DAB1: variants seen among roughly 807,000 people sequenced by gnomAD.
DAB1 encodes disabled homolog 1.
In DAB1, 15 loss-of-function variants were observed where a neutral mutation model predicts 64.6. The ratio of observed to expected loss-of-function variants is 0.23; its 90% CI spans 0.16 to 0.36. The LOEUF is 0.36. Ranked by LOEUF, DAB1 falls within the 10% of genes least tolerant of loss-of-function variation. The probability of loss-of-function intolerance (pLI) is 1.00; values close to 1 mark genes in which losing one functional copy is unlikely to be tolerated. For synonymous variants in DAB1, 235 were observed against 251.9 expected (o/e 0.93, Z 0.64); for missense variants, 596 against 706.7 (o/e 0.84, Z 1.78).
chr1:57,331,632 G>A (rs1676680249), intron 1 of DAB1, among the ~76,000 whole-genome samples: 1 of 152,202 alleles, frequency 6.6e-6, no homozygotes, highest in South Asian at 2.1e-4. Flanking sequence ...CATTTAGCTA[G>A]GGTTGGTCAT....
chr1:57,471,100 G>A (rs982434958), intron 7 of DAB1, among the ~76,000 whole-genome samples: 6 of 152,142 alleles, frequency 3.9e-5, no homozygotes, highest in East Asian at 1.9e-4. Flanking sequence ...TACTGGAGTC[G>A]AATCAAGGAA....
intron 5 of DAB1, among the ~76,000 whole-genome samples, chr1:58,090,080 A>G (rs1266073191): frequency 3.3e-5 from 5 of 152,210 alleles, no homozygotes. Context: ...TGCAGTTTGA[A>G]CAATATTTCT....
intron 5 of DAB1, among the ~76,000 whole-genome samples, chr1:58,046,988 G>A (rs1360957967): frequency 2.6e-5 from 4 of 152,164 alleles, no homozygotes; most frequent in African/African-American, 7.2e-5. Context: ...TCATCTCTTT[G>A]AGCCTCAGTT....
At chr1:57,819,901 C>A (rs1275878092) in intron 6 of DAB1, among the ~76,000 whole-genome samples, 1 of 152,192 alleles carries the variant, frequency 6.6e-6, no homozygotes, top group African/African-American at 2.4e-5. Flanking sequence ...TAACTCACCT[C>A]CTAAACTCTG....
intron 7 of DAB1, among the ~76,000 whole-genome samples, chr1:57,441,303 T>C (rs973911183): frequency 1.0e-5 from 1 of 97,614 alleles, no homozygotes; most frequent in East Asian, 6.0e-4. Context: ...TCTTTCTTTC[T>C]TTCTTTCTTT....
intron 4 of DAB1, among the ~76,000 whole-genome samples, chr1:58,196,113 G>A (rs935182675): frequency 6.6e-6 from 1 of 152,170 alleles, no homozygotes; most frequent in African/African-American, 2.4e-5. Context: ...TCTTCACAGA[G>A]GAACTGAGTT....
At chr1:58,536,406 T>C in intron 1 of DAB1, 1 of 642,970 alleles carries the variant, frequency 1.6e-6, no homozygotes, top group Non-Finnish European at 2.8e-6. Context: ...GCTAATTTCA[T>C]ATCAAAGACT....
intron 4 of DAB1, among the ~76,000 whole-genome samples, chr1:57,134,953 T>C (rs1657956386): frequency 6.6e-6 from 1 of 152,212 alleles, no homozygotes; most frequent in African/African-American, 2.4e-5. Flanking sequence ...AATATGTATT[T>C]GATAAAGTAG....
intron 4 of DAB1, among the ~76,000 whole-genome samples, chr1:58,189,105 G>A (rs1261043446): frequency 6.6e-6 from 1 of 152,136 alleles, no homozygotes; most frequent in African/African-American, 2.4e-5. Context: ...CCTTTAAAAT[G>A]TGTTAACTGT....
intron 4 of DAB1, among the ~76,000 whole-genome samples, chr1:58,198,038 G>A (rs974386411): frequency 2.6e-5 from 4 of 152,192 alleles, no homozygotes; most frequent in Non-Finnish European, 5.9e-5. Context: ...GGATCTGTCA[G>A]CATCATATCA....
At chr1:58,226,003 C>T (rs897599497) in intron 4 of DAB1, among the ~76,000 whole-genome samples, 2 of 148,108 alleles carry the variant, frequency 1.4e-5, no homozygotes, top group African/African-American at 5.0e-5. Flanking sequence ...GATGATGTTG[C>T]TTGGCTAAAT....
chr1:57,742,438 G>C (rs1648046917), intron 6 of DAB1, among the ~76,000 whole-genome samples: 1 of 152,170 alleles, frequency 6.6e-6, no homozygotes, highest in South Asian at 2.1e-4. Context: ...CCTGGCTGGT[G>C]TCAGTGAGAT....
At chr1:57,925,499 T>G (rs1445050702) in intron 5 of DAB1, among the ~76,000 whole-genome samples, 1 of 152,184 alleles carries the variant, frequency 6.6e-6, no homozygotes, top group African/African-American at 2.4e-5. Context: ...CAAGCCACAT[T>G]TATGTGTCAG....
chr1:57,508,514 C>G (rs183944202), intron 7 of DAB1, among the ~76,000 whole-genome samples: 1 of 152,200 alleles, frequency 6.6e-6, no homozygotes, highest in Non-Finnish European at 1.5e-5. Flanking sequence ...CATGGCTTGG[C>G]AATCTTTTTC....
intron 2 of DAB1, among the ~76,000 whole-genome samples, chr1:57,265,777 G>A (rs1195998535): frequency 6.6e-6 from 1 of 152,174 alleles, no homozygotes; most frequent in African/African-American, 2.4e-5. Context: ...ACGGAGAGCA[G>A]GCTTGGAGTG....
intron 5 of DAB1, among the ~76,000 whole-genome samples, chr1:57,915,003 G>A (rs1644705009): frequency 1.3e-5 from 2 of 151,654 alleles, no homozygotes; most frequent in South Asian, 2.1e-4. Context: ...ATGCTAGCTG[G>A]ACAAAACAAA....
intron 3 of DAB1, among the ~76,000 whole-genome samples, chr1:58,393,143 T>TTA (rs1491071217): frequency 7.6e-6 from 1 of 131,008 alleles, no homozygotes; most frequent in Non-Finnish European, 1.6e-5. Flanking sequence ...TTTTTTTTTT[T>TTA]ATAGATACAG....
At position 57,695,348 on chromosome 1, in the gene DAB1, GAAAGA is replaced by G. The variant is rs1553119624; in HGVS notation, n.552-45688_552-45684del. On this transcript the variant is annotated intron_variant and non_coding_transcript_variant, in intron 6 of 20. Coordinates refer to the DAB1 transcript ENST00000485760. ...AGAAAGAAAGAAAGAAAGAAAGAAA[GAAAGA>G]AAAGAAAGAAGAAAGAAAGAAAGAA... is the stretch of plus-strand genomic sequence containing the variant. Among the ~76,000 whole-genome samples, 30 of 106,268 alleles carry G rather than the reference GAAAGA, an allele frequency of 2.8e-4. 1 individual carries two copies. Among genetic ancestry groups the G allele is most frequent in the African/African-American group, 9.9e-4 (28 of 28,318 alleles). The allele number at this position is 106,268 out of a possible 152,430, so 69.7% of individuals were successfully genotyped here. A position where few individuals can be genotyped will look rare whatever the true frequency, so the allele number is the denominator to read the frequency against.
At chr1:57,812,398 G>C (rs569828485) in intron 6 of DAB1, among the ~76,000 whole-genome samples, 119 of 151,998 alleles carry the variant, frequency 7.8e-4, no homozygotes, top group Non-Finnish European at 1.5e-3. Flanking sequence ...GACAAAGAAG[G>C]GGCCACAGAC....
Sources: gnomAD v4.1 joint callset for allele counts (sites outside exome capture counted in the v4.1 genomes callset) on GRCh38, gnomAD v4.1.1 for gene constraint, MANE v1.5 for transcripts, NCBI Gene and HGNC (gene_info 2026-07-23, HGNC 2026-07-21) for gene names.